The following IL31RA variants were observed in gnomAD, a reference collection of about 807,000 sequenced individuals.
The protein encoded by IL31RA is interleukin 31 receptor A.
In IL31RA, 66 loss-of-function variants were observed where a neutral mutation model predicts 83.7. That is an observed-to-expected ratio of 0.79 (90% CI 0.65 to 0.97). The LOEUF (loss-of-function observed/expected upper bound fraction) is 0.97. IL31RA is among the 50% of genes least tolerant of loss of function. The pLI, the probability that IL31RA is intolerant of heterozygous loss-of-function variation, is 0.00. For missense variants in IL31RA, 798 were observed against 919.4 expected (o/e 0.87, Z 1.71); for synonymous variants, 325 against 329.0 (o/e 0.99, Z 0.13).
chr5:55,877,300 C>T (rs949939161), intron 4 of IL31RA, among the ~76,000 whole-genome samples: 2 of 152,178 alleles, frequency 1.3e-5, no homozygotes, highest in Admixed American at 6.5e-5. Context: ...ACATCTGTAT[C>T]CACTGTATAC....
intron 5 of IL31RA, among the ~76,000 whole-genome samples, chr5:55,887,484 A>G (rs1747686171): frequency 6.6e-6 from 1 of 152,216 alleles, no homozygotes; most frequent in African/African-American, 2.4e-5. Context: ...TCACGCCTGT[A>G]ATCCCAGCAC....
At chr5:55,868,768 G>T (rs755126183) in intron 2 of IL31RA, 23 bp from the exon 3 acceptor site, 12 of 1,232,406 alleles carry the variant, frequency 9.7e-6, no homozygotes, top group East Asian at 2.3e-5. Flanking sequence ...GTGTTTGTGT[G>T]TGTGTGTGTT....
At chr5:55,843,264 G>T in the IL31RA span, among the ~76,000 whole-genome samples, 1 of 152,180 alleles carries the variant, frequency 6.6e-6, no homozygotes, top group East Asian at 1.9e-4. Flanking sequence ...AAGAAAATTG[G>T]GATTTCAGGA....
At chr5:55,910,069 T>C (rs1264285145) in intron 11 of IL31RA, among the ~76,000 whole-genome samples, 2 of 152,230 alleles carry the variant, frequency 1.3e-5, no homozygotes, top group Admixed American at 6.5e-5. Flanking sequence ...TTAAATTGGG[T>C]TATCTTTTCG....
At chr5:55,849,788 C>A (rs1745010788), upstream of IL31RA, among the ~76,000 whole-genome samples, 1 of 152,140 alleles carries the variant, frequency 6.6e-6, no homozygotes, top group South Asian at 2.1e-4. Context: ...TCTTGGAATT[C>A]TCTCTCTTCT....
chr5:55,908,180 C>G, intron 10 of IL31RA, 85 bp from the exon 11 acceptor site: 1 of 1,595,640 alleles, frequency 6.3e-7, no homozygotes, highest in East Asian at 2.2e-5. Context: ...ATGGTTTGGT[C>G]TGAGTACTGG....
rs1203364196 is a variant in IL31RA, at chr5:55,916,866, C to A, written c.2041C>A (p.Pro681Thr). The A allele has an allele frequency of 1.2e-6, 2 of 1,614,014 alleles. No individual in the cohort carries two copies. Among genetic ancestry groups the A allele is most frequent in the Non-Finnish European group, 1.7e-6 (2 of 1,180,026 alleles). ...GACCTGCCCCTTCAGGCCTGATTGT[C>A]CCCTGGGGAAAAGTTTTGAGGAGCT... ...YVTCPFRPDC[P>T]LGKSFEELPV... Residue 681 changes from proline to threonine, a missense_variant, in exon 15 of 15, where the codon CCC becomes ACC. Transcript: ENST00000652347.
chr5:55,876,160 C>A (rs1378977364), intron 4 of IL31RA, among the ~76,000 whole-genome samples: 1 of 152,166 alleles, frequency 6.6e-6, no homozygotes, highest in Non-Finnish European at 1.5e-5. Context: ...GTAATCCCAG[C>A]ACTTTGGGAG....
intron 3 of IL31RA, among the ~76,000 whole-genome samples, chr5:55,871,613 A>G (rs16884603): frequency 0.071 from 10,843 of 152,066 alleles, 643 homozygotes; most frequent in African/African-American, 0.16. Flanking sequence ...AACCTGAAAA[A>G]TTATAAAGAA....
At chr5:55,866,911 A>G (rs1019263628) in intron 2 of IL31RA, among the ~76,000 whole-genome samples, 13 of 152,156 alleles carry the variant, frequency 8.5e-5, no homozygotes, top group African/African-American at 3.1e-4. Flanking sequence ...GAAGCGCTAG[A>G]CCTTCCTTTG....
chr5:55,855,895 G>GT (rs1745332392), intron 1 of IL31RA, among the ~76,000 whole-genome samples: 1 of 152,052 alleles, frequency 6.6e-6, no homozygotes, highest in Non-Finnish European at 1.5e-5. Context: ...TGGTTTTGTT[G>GT]TTGTTTGTTT....
chr5:55,891,347 T>G (rs2112478420), intron 6 of IL31RA, among the ~76,000 whole-genome samples: 1 of 152,336 alleles, frequency 6.6e-6, no homozygotes, highest in South Asian at 2.1e-4. Context: ...CAATACAAAT[T>G]TAGTGGCTTA....
rs981746496 is a variant in IL31RA at position 55,919,846 on chromosome 5, C to G, written c.*2726C>G. 6.6e-6 allele frequency among the ~76,000 whole-genome samples: 1 copy of G among 152,204 alleles called. No homozygotes were observed. The highest frequency in any genetic ancestry group is 1.5e-5 in the Non-Finnish European group (1 of 68,040). ...GATCGAGTCACCAACTGTCCCCGCT[C>G]TGGGCACCAGGGACTGCCTCTGTGG... On this transcript the variant is annotated 3_prime_UTR_variant, in exon 15 of 15. Transcript: ENST00000652347.
chr5:55,861,464 T>C (rs1745681866), intron 2 of IL31RA, among the ~76,000 whole-genome samples: 1 of 152,182 alleles, frequency 6.6e-6, no homozygotes, highest in African/African-American at 2.4e-5. Flanking sequence ...GAGGGATCTA[T>C]TAATAGGTTG....
chr5:55,908,035 T>C (rs1749261503), intron 10 of IL31RA, among the ~76,000 whole-genome samples: 1 of 152,198 alleles, frequency 6.6e-6, no homozygotes, highest in Non-Finnish European at 1.5e-5. Context: ...GAGACATCTA[T>C]GAGAAAGGAC....
intron 6 of IL31RA, among the ~76,000 whole-genome samples, chr5:55,895,414 A>G (rs1386417558): frequency 6.6e-6 from 1 of 152,208 alleles, no homozygotes; most frequent in Non-Finnish European, 1.5e-5. Context: ...GAGACAGGAT[A>G]TTTGAGAGAT....
At chr5:55,902,242 G>A (rs994303738) in intron 8 of IL31RA, 6 of 152,006 alleles carry the variant, frequency 3.9e-5, no homozygotes, top group African/African-American at 1.2e-4. Context: ...TGACAGAGAC[G>A]ACCTAGCCCA....
intron 2 of IL31RA, among the ~76,000 whole-genome samples, chr5:55,865,650 G>A (rs1327902787): frequency 6.6e-6 from 1 of 152,146 alleles, no homozygotes; most frequent in Non-Finnish European, 1.5e-5. Flanking sequence ...ATATTATTCA[G>A]ATGTGCAGAG....
the IL31RA span, among the ~76,000 whole-genome samples, chr5:55,842,154 T>A: frequency 6.6e-6 from 1 of 152,182 alleles, no homozygotes; most frequent in African/African-American, 2.4e-5. Context: ...TGTAGACACA[T>A]CATGCCAATC....
Sources: allele counts gnomAD v4.1 joint callset (sites outside exome capture counted in the v4.1 genomes callset), GRCh38; gene constraint gnomAD v4.1.1; transcripts MANE v1.5; gene names NCBI Gene and HGNC (gene_info 2026-07-23, HGNC 2026-07-21).